Variants in MYO3B observed in about 807,000 individuals in gnomAD.
The protein encoded by MYO3B is myosin-IIIb.
Under a neutral mutation model 174.6 loss-of-function variants are expected in MYO3B, and 156 were observed. That is an observed-to-expected ratio of 0.89 (90% CI 0.78 to 1.02). MYO3B has a LOEUF of 1.02. Ranked by LOEUF, MYO3B falls within the 50% of genes least tolerant of loss-of-function variation. The pLI is 0.00. For missense variants in MYO3B, 1,632 were observed against 1,639.4 expected, an observed-to-expected ratio of 1.00 and a Z score of 0.08; for synonymous variants, 563 against 569.1, an observed-to-expected ratio of 0.99 and a Z score of 0.15.
chr2:170,396,521 C>A (rs1020933274), intron 16 of MYO3B, among the ~76,000 whole-genome samples: 2 of 152,122 alleles, frequency 1.3e-5, no homozygotes, highest in African/African-American at 4.8e-5. Context: ...ATAAGGTGAG[C>A]ATTGGTTACC....
chr2:170,630,185 A>C (rs1257687403), intron 32 of MYO3B, among the ~76,000 whole-genome samples: 3 of 152,212 alleles, frequency 2.0e-5, no homozygotes, highest in Non-Finnish European at 2.9e-5. Context: ...GTACCAGGAA[A>C]ATCGGGACAC....
intron 8 of MYO3B, among the ~76,000 whole-genome samples, chr2:170,351,524 TG>T (rs2094069685): frequency 6.6e-6 from 1 of 151,828 alleles, no homozygotes; most frequent in South Asian, 2.1e-4. Context: ...AATAAGACCA[TG>T]GGACAGCAGC....
At chr2:170,473,229 G>A (rs746923574) in intron 25 of MYO3B, among the ~76,000 whole-genome samples, 1 of 136,202 alleles carries the variant, frequency 7.3e-6, no homozygotes, top group African/African-American at 2.7e-5. Context: ...TGCAAGCTTC[G>A]CCTCCTGGAT....
At chr2:170,325,728 C>G (rs1414171524) in intron 7 of MYO3B, among the ~76,000 whole-genome samples, 1 of 152,042 alleles carries the variant, frequency 6.6e-6, no homozygotes, top group East Asian at 1.9e-4. Flanking sequence ...TAGTTAAGCT[C>G]AGGGGCAAAG....
chr2:170,597,316 C>G (rs1296084770), intron 32 of MYO3B, among the ~76,000 whole-genome samples: 2 of 149,150 alleles, frequency 1.3e-5, no homozygotes, highest in African/African-American at 5.0e-5. Context: ...TGCAGTGAGC[C>G]GAGATTGCGC....
chr2:170,512,785 T>C (rs905184731), intron 28 of MYO3B, among the ~76,000 whole-genome samples: 1 of 152,204 alleles, frequency 6.6e-6, no homozygotes, highest in African/African-American at 2.4e-5. Flanking sequence ...ATAAATGACC[T>C]GCATCATGTA....
chr2:170,191,749 C>G (rs1263905983), intron 1 of MYO3B, among the ~76,000 whole-genome samples: 2 of 152,170 alleles, frequency 1.3e-5, no homozygotes, highest in Non-Finnish European at 2.9e-5. Flanking sequence ...CTGTCCTACC[C>G]TCTTCAGTGT....
intron 27 of MYO3B, 147 bp from the exon 28 acceptor site, chr2:170,501,638 A>T: frequency 1.7e-6 from 1 of 584,760 alleles, no homozygotes; most frequent in Admixed American, 3.0e-5. Context: ...CTCGCCATAG[A>T]TCACATACCT....
chr2:170,340,573 C>G (rs1336299513), intron 8 of MYO3B: 1 of 152,154 alleles, frequency 6.6e-6, no homozygotes, highest in Non-Finnish European at 1.5e-5. Context: ...AGCCTTCACT[C>G]AAAAACCGAG....
chr2:170,408,928 G>A lies in MYO3B; in HGVS notation c.2650+1084G>A, dbSNP rs151146161. On this transcript the variant is annotated intron_variant, in intron 22 of 34. Coordinates refer to ENST00000408978, the MANE Select transcript of MYO3B (RefSeq NM_138995.5). ...CCAGACCTTCCTTGGAGCAGCCGGG[G>A]TTTAATTCAATATGGAATCCCAGGA... Among the ~76,000 whole-genome samples the A allele has an allele frequency of 1.1e-4, 17 of 152,214 alleles. No homozygotes were observed. The East Asian group carries it at 1.5e-3, about 14-fold the overall frequency.
chr2:170,376,686 C>G (rs1302319422), intron 9 of MYO3B, among the ~76,000 whole-genome samples: 2 of 151,974 alleles, frequency 1.3e-5, no homozygotes, highest in African/African-American at 4.8e-5. Context: ...TCATTCTCCA[C>G]TTTTTGCAGT....
At chr2:170,454,339 G>A (rs1482223896) in intron 23 of MYO3B, among the ~76,000 whole-genome samples, 5 of 152,110 alleles carry the variant, frequency 3.3e-5, no homozygotes, top group East Asian at 1.9e-4. Context: ...ATCAGACACC[G>A]ATAATGGGGC....
chr2:170,291,382 A>G (rs1308809902), intron 7 of MYO3B, among the ~76,000 whole-genome samples: 1 of 152,206 alleles, frequency 6.6e-6, no homozygotes. Context: ...TTGTCTCTCA[A>G]CAGGTTGCTG....
intron 7 of MYO3B, among the ~76,000 whole-genome samples, chr2:170,327,269 C>T (rs72891336): frequency 0.22 from 33,391 of 152,138 alleles, 4,378 homozygotes; most frequent in Non-Finnish European, 0.3. Flanking sequence ...CCTGTATTCC[C>T]AACTACTCGG....
intron 1 of MYO3B, among the ~76,000 whole-genome samples, chr2:170,181,869 CAG>C (rs1298983384): frequency 3.9e-5 from 6 of 152,120 alleles, no homozygotes; most frequent in Non-Finnish European, 8.8e-5. Flanking sequence ...CATGTTGTCT[CAG>C]AGTGCTTATT....
At chr2:170,238,556 C>T (rs1232430948) in intron 7 of MYO3B, among the ~76,000 whole-genome samples, 2 of 152,166 alleles carry the variant, frequency 1.3e-5, no homozygotes. Context: ...CAGAATACTG[C>T]GTGTGGCTTC....
At chr2:170,541,569 G>A (rs1690107155) in intron 30 of MYO3B, among the ~76,000 whole-genome samples, 1 of 152,178 alleles carries the variant, frequency 6.6e-6, no homozygotes. Flanking sequence ...ATATTTAAAA[G>A]CATTTTTTTT....
intron 32 of MYO3B, among the ~76,000 whole-genome samples, chr2:170,615,466 G>A (rs1695398134): frequency 6.6e-6 from 1 of 152,274 alleles, no homozygotes; most frequent in Admixed American, 6.5e-5. Flanking sequence ...AGGTCCTGAA[G>A]TGAGAGCAAA....
chr2:170,428,572 T>C (rs1380756641), intron 22 of MYO3B, among the ~76,000 whole-genome samples: 4 of 152,252 alleles, frequency 2.6e-5, no homozygotes, highest in Admixed American at 1.3e-4. Flanking sequence ...ACTTCCTTGA[T>C]TAGCTCTCTG....
Sources: allele counts gnomAD v4.1 joint callset (sites outside exome capture counted in the v4.1 genomes callset), GRCh38; gene constraint gnomAD v4.1.1; transcripts MANE v1.5; gene names NCBI Gene and HGNC (gene_info 2026-07-23, HGNC 2026-07-21).